ZNF506: variants seen among roughly 807,000 people sequenced by gnomAD.
ZNF506 encodes zinc finger protein 506.
ZNF506 carries 10 observed loss-of-function variants against 11.6 expected under a neutral mutation model. The ratio of observed to expected loss-of-function variants is 0.86; its 90% confidence interval spans 0.53 to 1.46. The LOEUF (loss-of-function observed/expected upper bound fraction) is 1.46. Among genes scored for constraint, ZNF506 ranks in the 40% most tolerant of loss-of-function variants. The pLI, the probability that ZNF506 is intolerant of heterozygous loss-of-function variation, is 0.00. For missense variants in ZNF506, 425 were observed against 521.2 expected (o/e 0.82, Z 1.80); for synonymous variants, 156 against 173.3 (o/e 0.90, Z 0.78).
At chr19:19,810,703 T>C (rs560262563) in intron 1 of ZNF506, among the ~76,000 whole-genome samples, 2 of 152,348 alleles carry the variant, frequency 1.3e-5, no homozygotes, top group East Asian at 3.9e-4. Flanking sequence ...TCTGCAGGAA[T>C]AGAAAACAAG....
intron 1 of ZNF506, among the ~76,000 whole-genome samples, chr19:19,816,395 C>T (rs1455796293): frequency 6.6e-6 from 1 of 151,936 alleles, no homozygotes; most frequent in Non-Finnish European, 1.5e-5. Flanking sequence ...TCTTGCTCTG[C>T]TGCCCAGGCT....
At chr19:19,819,059 T>A (rs2062952111) in intron 1 of ZNF506, among the ~76,000 whole-genome samples, 1 of 152,120 alleles carries the variant, frequency 6.6e-6, no homozygotes, top group South Asian at 2.1e-4. Flanking sequence ...GTACAGATCC[T>A]ATCACCCACC....
At chr19:19,815,596 A>AT (rs1427727178) in intron 1 of ZNF506, among the ~76,000 whole-genome samples, 6 of 152,280 alleles carry the variant, frequency 3.9e-5, no homozygotes, top group Admixed American at 3.9e-4. Context: ...TTCTGGCACC[A>AT]TATCTGTAGA....
At chr19:19,816,222 C>T (rs1293849383) in intron 1 of ZNF506, among the ~76,000 whole-genome samples, 11 of 151,534 alleles carry the variant, frequency 7.3e-5, no homozygotes, top group Admixed American at 6.6e-4. Context: ...CTCACTCTGT[C>T]GCCCAGGCTG....
At chr19:19,805,148 GA>G (rs2062826434) in intron 3 of ZNF506, among the ~76,000 whole-genome samples, 1 of 151,464 alleles carries the variant, frequency 6.6e-6, no homozygotes, top group Non-Finnish European at 1.5e-5. Flanking sequence ...ATTAAATTAG[GA>G]AAATATAAAA....
rs533026754 is a variant in ZNF506 at position 19,819,233 on chromosome 19, C to A, written c.3+2368G>T. On this transcript the variant is annotated intron_variant, in intron 1 of 3. Transcript: ENST00000540806. ...GTGTTTTTTCACTACTTTTCTGCTC[C>A]CCACCCAAGAGAATCCAGGGGTCAG... Among the ~76,000 whole-genome samples the A allele has an allele frequency of 2.7e-4, 41 of 152,066 alleles. No individual in the cohort carries two copies. The South Asian group carries it at 7.1e-3, about 26-fold the overall frequency.
chr19:19,795,382 C>T lies in ZNF506; in HGVS notation c.505G>A (p.Gly169Arg). The T allele has an allele frequency of 6.2e-7, 1 of 1,606,776 alleles. No homozygotes were observed. Among genetic ancestry groups the T allele is most frequent in the South Asian group, 1.1e-5 (1 of 89,710 alleles). ...TCTATACATTTAAAAGATTTTTTTC[C>T]AGTATCTCTTATCTTATGTTTGTTT... ...NSNKHKIRDT[G>R]KKSFKCIEYG... is the part of the protein sequence containing the mutation. The change falls in exon 4 of 4, where the codon GGA (glycine) becomes AGA (arginine). Residue 169 changes from glycine (G) to arginine (R), a missense_variant. Gly to Arg is a moderately radical substitution (Grantham distance 125, BLOSUM62 -2). Transcript: ENST00000540806.
chr19:19,807,279 CAT>C (rs1390435189), intron 1 of ZNF506, among the ~76,000 whole-genome samples: 2 of 152,112 alleles, frequency 1.3e-5, no homozygotes, highest in African/African-American at 2.4e-5. Context: ...CATCAGTTCA[CAT>C]ATGATATTTT....
intron 3 of ZNF506, among the ~76,000 whole-genome samples, chr19:19,804,679 A>C (rs1490651421): frequency 1.3e-5 from 2 of 152,242 alleles, no homozygotes; most frequent in African/African-American, 4.8e-5. Context: ...ACTTGGAACC[A>C]ACCCAAATGT....
At chr19:19,813,056 T>C (rs2062895168) in intron 1 of ZNF506, among the ~76,000 whole-genome samples, 1 of 152,238 alleles carries the variant, frequency 6.6e-6, no homozygotes, top group Non-Finnish European at 1.5e-5. Flanking sequence ...TGTGTTCATA[T>C]AGTGGAATAC....
chr19:19,815,216 C>T (rs962306185), intron 1 of ZNF506, among the ~76,000 whole-genome samples: 8 of 152,128 alleles, frequency 5.3e-5, no homozygotes, highest in African/African-American at 1.4e-4. Flanking sequence ...GCCGAGATCG[C>T]GCCACTGCAC....
At position 19,802,528 on chromosome 19, in the gene ZNF506, T is replaced by C. The variant is rs990808174; in HGVS notation, c.226+3503A>G. Among the ~76,000 whole-genome samples the C allele has an allele frequency of 1.1e-4, 16 of 152,344 alleles. No homozygotes were observed. The East Asian group carries it at 2.1e-3, about 20-fold the overall frequency. On this transcript the variant is annotated intron_variant, in intron 3 of 3. Transcript: ENST00000540806. ...CAGAATAGGGTTAGACCCTCTGATA[T>C]GTAAAACAAGTATTAGGAAATAAAC...
intron 3 of ZNF506, among the ~76,000 whole-genome samples, chr19:19,800,657 C>T (rs1236200985): frequency 2.0e-5 from 3 of 151,032 alleles, no homozygotes; most frequent in Non-Finnish European, 2.9e-5. Context: ...CCTCATGATC[C>T]GCCTGCCTTG....
intron 3 of ZNF506, among the ~76,000 whole-genome samples, chr19:19,805,424 T>A (rs1284536904): frequency 6.6e-6 from 1 of 151,702 alleles, no homozygotes; most frequent in Non-Finnish European, 1.5e-5. Flanking sequence ...CCTATTAAAA[T>A]TGCAGTGTTT....
Position 19,808,108 on chromosome 19 carries a change from C to CTTTTTTTTTTTTTTT in ZNF506, c.4-1055_4-1041dup, listed in dbSNP as rs757160026. On this transcript the variant is annotated intron_variant, in intron 1 of 3. Coordinates refer to ENST00000540806, the MANE Select transcript of ZNF506 (RefSeq NM_001099269.3). ...ACTTAACCAAGTGAATCATTAACCA[C>CTTTTTTTTTTTTTTT]TTTTTTTTTTTTTTTTTTTTTTTTT... Among the ~76,000 whole-genome samples, 40 of 56,772 alleles carry CTTTTTTTTTTTTTTT rather than the reference C, an allele frequency of 7.0e-4. 11 individuals are homozygous for CTTTTTTTTTTTTTTT. The highest frequency in any genetic ancestry group is 1.3e-3 in the African/African-American group (17 of 12,970). 37.2% of individuals were successfully genotyped at this position (56,772 alleles called of 152,430 possible).
chr19:19,800,799 T>A (rs757780571), intron 3 of ZNF506, among the ~76,000 whole-genome samples: 1 of 152,158 alleles, frequency 6.6e-6, no homozygotes, highest in Non-Finnish European at 1.5e-5. Context: ...AAAAATAATA[T>A]AGATTCATAA....
chr19:19,807,163 TCTGA>T (rs1248196977), intron 1 of ZNF506, 95 bp from the exon 2 acceptor site: 3 of 1,583,396 alleles, frequency 1.9e-6, no homozygotes, highest in Non-Finnish European at 2.6e-6. Flanking sequence ...GAGAAGTGGT[TCTGA>T]CTTATAGGAC....
intron 3 of ZNF506, among the ~76,000 whole-genome samples, chr19:19,802,288 C>T (rs2062801599): frequency 6.6e-6 from 1 of 151,508 alleles, no homozygotes; most frequent in African/African-American, 2.4e-5. Flanking sequence ...TATTTTGAAT[C>T]ACTGGCATGC....
At chr19:19,803,513 C>A (rs2062811415) in intron 3 of ZNF506, among the ~76,000 whole-genome samples, 1 of 152,142 alleles carries the variant, frequency 6.6e-6, no homozygotes, top group Non-Finnish European at 1.5e-5. Context: ...TAATGTCTGC[C>A]CTATGGAGCA....
Sources: allele counts gnomAD v4.1 joint callset (sites outside exome capture counted in the v4.1 genomes callset), GRCh38; gene constraint gnomAD v4.1.1; transcripts MANE v1.5; gene names NCBI Gene and HGNC (gene_info 2026-07-23, HGNC 2026-07-21).